The following PHF24 variants were observed in gnomAD, a reference collection of about 807,000 sequenced individuals.
PHF24 encodes PHD finger protein 24.
In PHF24, 25 loss-of-function variants were observed where a neutral mutation model predicts 42.6. The observed-to-expected ratio is 0.59, with a 90% confidence interval of 0.43 to 0.82. PHF24 has a LOEUF of 0.82. Among genes scored for constraint, PHF24 ranks in the 40% least tolerant of loss-of-function variants. PHF24 has a pLI of 0.00. For missense variants in PHF24, 470 were observed against 538.1 expected (o/e 0.87, Z 1.25); for synonymous variants, 185 against 204.8 (o/e 0.90, Z 0.83).
the PHF24 span, chr9:34,918,329 T>G: frequency 1.2e-6 from 1 of 844,550 alleles, no homozygotes. Context: ...GAGCCCCTCC[T>G]AGTTCTTCAT....
the PHF24 span, among the ~76,000 whole-genome samples, chr9:34,910,498 TGTTA>T: frequency 5.1e-3 from 778 of 152,334 alleles, 13 homozygotes; most frequent in Admixed American, 0.023. Context: ...GTAGTACAAA[TGTTA>T]ATTAGCTCAA....
At chr9:34,930,920 G>T in the PHF24 span, among the ~76,000 whole-genome samples, 1 of 152,108 alleles carries the variant, frequency 6.6e-6, no homozygotes, top group South Asian at 2.1e-4. Context: ...ATCTCATGTC[G>T]AATTGTAATC....
chr9:34,922,730 A>C, the PHF24 span: 2 of 1,578,710 alleles, frequency 1.3e-6, no homozygotes, highest in Non-Finnish European at 1.7e-6. Flanking sequence ...TTTGTTCAAT[A>C]CTTGAGACGA....
the PHF24 span, among the ~76,000 whole-genome samples, chr9:34,918,535 T>C: frequency 6.6e-6 from 1 of 152,166 alleles, no homozygotes; most frequent in African/African-American, 2.4e-5. Context: ...ATGTCTCCCA[T>C]AAGTAGGTAA....
the PHF24 span, among the ~76,000 whole-genome samples, chr9:34,878,532 C>T: frequency 2.4e-4 from 37 of 152,280 alleles, no homozygotes; most frequent in South Asian, 7.7e-3. Context: ...TGTGCTTTTC[C>T]AATGGTCTTC....
At chr9:34,862,925 G>A in the PHF24 span, among the ~76,000 whole-genome samples, 1 of 151,870 alleles carries the variant, frequency 6.6e-6, no homozygotes, top group African/African-American at 2.4e-5. Context: ...TGCCCTGAAG[G>A]GTGAGTCCTA....
chr9:34,809,891 C>T, the PHF24 span, among the ~76,000 whole-genome samples: 4 of 151,878 alleles, frequency 2.6e-5, no homozygotes, highest in South Asian at 2.1e-4. The surrounding 1 kb of genome is among the most constrained non-coding windows in gnomAD (Gnocchi z 4.1). Flanking sequence ...GTAAGCACGC[C>T]GGTGCCCCTA....
the PHF24 span, among the ~76,000 whole-genome samples, chr9:34,911,523 A>G: frequency 1.3e-5 from 2 of 152,192 alleles, no homozygotes; most frequent in South Asian, 4.1e-4. Context: ...AAGTGCCGGG[A>G]TTACAGGCGT....
chr9:34,931,141 G>A, the PHF24 span, among the ~76,000 whole-genome samples: 1 of 152,124 alleles, frequency 6.6e-6, no homozygotes, highest in Non-Finnish European at 1.5e-5. Context: ...ACTTTGGGAG[G>A]CTGAGGCGGT....
chr9:34,771,006 G>A, the PHF24 span, among the ~76,000 whole-genome samples: 9 of 152,094 alleles, frequency 5.9e-5, no homozygotes, highest in Admixed American at 2.6e-4. Context: ...CCAGCTACTC[G>A]GGAGGCTGAG....
the PHF24 span, among the ~76,000 whole-genome samples, chr9:34,803,913 G>A: frequency 6.6e-6 from 1 of 152,110 alleles, no homozygotes; most frequent in Non-Finnish European, 1.5e-5. Flanking sequence ...CATAGCTGCT[G>A]GAAGAAATTT....
At chr9:34,976,457 G>A (rs918764914) in intron 4 of PHF24, 78 bp from the exon 5 acceptor site, 53 of 1,491,444 alleles carry the variant, frequency 3.6e-5, no homozygotes, top group East Asian at 2.3e-4. Context: ...TGGGGGCCCC[G>A]AGGGTGCCCT....
the PHF24 span, chr9:34,728,032 T>C: frequency 6.4e-7 from 1 of 1,552,190 alleles, no homozygotes; most frequent in South Asian, 1.2e-5. Flanking sequence ...CTTTTAATGA[T>C]GGAGAGCAGC....
chr9:34,675,594 TA>T, the PHF24 span, among the ~76,000 whole-genome samples: 2 of 152,098 alleles, frequency 1.3e-5, no homozygotes, highest in African/African-American at 2.4e-5. Flanking sequence ...GATATCAGGA[TA>T]GGGGGAAGTC....
the PHF24 span, among the ~76,000 whole-genome samples, chr9:34,804,836 C>T: frequency 6.6e-6 from 1 of 152,170 alleles, no homozygotes; most frequent in Non-Finnish European, 1.5e-5. Context: ...CTCATCACCT[C>T]AAAAAAGAAA....
chr9:34,922,693 C>A, the PHF24 span: 4 of 1,411,158 alleles, frequency 2.8e-6, no homozygotes, highest in Non-Finnish European at 4.0e-6. Flanking sequence ...GAGCCATCTG[C>A]TGTTTTTTTC....
the PHF24 span, among the ~76,000 whole-genome samples, chr9:34,861,180 G>A: frequency 6.6e-6 from 1 of 152,212 alleles, no homozygotes. Flanking sequence ...TGTAAGGTTT[G>A]GCTCAGGTCA....
At chr9:34,826,860 C>A in the PHF24 span, among the ~76,000 whole-genome samples, 4 of 152,194 alleles carry the variant, frequency 2.6e-5, no homozygotes, top group Non-Finnish European at 4.4e-5. Flanking sequence ...TTATACCCTT[C>A]ATGTGACTTT....
the PHF24 span, chr9:34,691,126 A>G: frequency 6.2e-7 from 1 of 1,613,260 alleles, no homozygotes; most frequent in Non-Finnish European, 8.5e-7. Flanking sequence ...GCTGAGGGCC[A>G]GTAGCAGGGC....
Sources: allele counts gnomAD v4.1 joint callset (sites outside exome capture counted in the v4.1 genomes callset), GRCh38; gene constraint gnomAD v4.1.1; non-coding constraint Gnocchi (gnomAD v3.1); transcripts MANE v1.5; gene names NCBI Gene and HGNC (gene_info 2026-07-23, HGNC 2026-07-21).